Variants in RP1 observed in about 807,000 individuals in gnomAD.
RP1 encodes RP1 axonemal microtubule associated.
In RP1, 16 loss-of-function variants were observed where a neutral mutation model predicts 14.8. The ratio of observed to expected loss-of-function variants is 1.08; its 90% CI spans 0.73 to 1.65. The LOEUF is 1.65. RP1 is among the 40% of genes most tolerant of loss of function. The pLI is 0.00. For synonymous variants in RP1, 876 were observed against 883.6 expected (o/e 0.99, Z 0.15); for missense variants, 2,631 against 2,535.0 (o/e 1.04, Z -0.81).
In RP1 at chr8:54,625,789, C is replaced by G. The variant is rs765425075; in HGVS notation, c.1907C>G (p.Ser636Cys). 3 of 1,613,494 alleles carry G rather than the reference C, an allele frequency of 1.9e-6. No homozygotes were observed. In the East Asian group the frequency reaches 6.7e-5, roughly 36 times the overall value. Residue 636 changes from serine (S) to cysteine (C), a missense_variant, in exon 4 of 4, where the codon TCT becomes TGT. By Grantham distance (112) the Ser-to-Cys change is moderately radical (BLOSUM62 -1). Coordinates refer to ENST00000220676, the MANE Select transcript of RP1 (RefSeq NM_006269.2). ...GAGGCTCCAGCTTCAGAAGCATCCT[C>G]TACTGTCACTGCAAGAATTGACAGA... Reference protein sequence around the residue: ...ISEAPASEASSTVTARIDRLI... With the variant: ...ISEAPASEASCTVTARIDRLI...
intron 7 of RP1, among the ~76,000 whole-genome samples, chr8:54,670,301 T>C (rs532285214): frequency 4.6e-5 from 7 of 151,774 alleles, no homozygotes; most frequent in Admixed American, 4.0e-4. Flanking sequence ...GTCCACTTGC[T>C]TTATTGATCT....
chr8:54,781,105 A>G, intron 23 of RP1: 3 of 888,372 alleles, frequency 3.4e-6, no homozygotes, highest in Non-Finnish European at 4.0e-6. Context: ...CCTTTTATCT[A>G]CAGTAGGGTT....
intron 14 of RP1, among the ~76,000 whole-genome samples, chr8:54,701,890 G>A (rs1258669748): frequency 6.6e-6 from 1 of 152,166 alleles, no homozygotes; most frequent in Admixed American, 6.6e-5. Context: ...TGTAATTGAA[G>A]TTGGAGATTT....
At chr8:54,658,717 G>A (rs1806812543) in intron 6 of RP1, among the ~76,000 whole-genome samples, 1 of 152,096 alleles carries the variant, frequency 6.6e-6, no homozygotes, top group African/African-American at 2.4e-5. Flanking sequence ...ATCTCTTTGA[G>A]ATTCTACTTT....
chr8:54,559,310 G>A (rs945189870), exon 1 of RP1: 2 of 152,054 alleles, frequency 1.3e-5, no homozygotes, highest in Non-Finnish European at 2.9e-5. Context: ...CAAACATTTT[G>A]GAAATTACAG....
rs191843673 is a variant in RP1 at position 54,573,514 on chromosome 8, G to A, written c.-13+14194G>A. 1.4e-3 allele frequency among the ~76,000 whole-genome samples: 214 copies of A among 152,290 alleles called. 3 individuals carry two copies. Among genetic ancestry groups the A allele is most frequent in the Non-Finnish European group, 1.7e-3 (115 of 68,024 alleles). On this transcript the variant is annotated intron_variant, in intron 1 of 22. Coordinates refer to the RP1 transcript ENST00000636932. ...GGGCATAGACTTTGATATGAAACTA[G>A]GGAGACGAGCTCTCAATACGGTAGC...
rs572631314 is a variant in RP1, at chr8:54,696,845, T to C, written c.1718-2622T>C. The C allele has an allele frequency of 8.8e-5, 66 of 749,528 alleles. 2 individuals are homozygous for C. The highest frequency in any genetic ancestry group is 8.5e-4 in the African/African-American group (50 of 58,860). The allele number at this position is 749,528 out of a possible 1,614,324, so 46.4% of individuals were successfully genotyped here. The stretch of plus-strand genomic sequence containing the variant: ...ATTTCCAAATCTGAAGTCTGTCCAG[T>C]AACTCATTTTGAAATGTGGACAAGC... On this transcript the variant is annotated intron_variant, in intron 12 of 22. Coordinates refer to the RP1 transcript ENST00000636932.
At position 54,625,525 on chromosome 8, in the gene RP1, G is replaced by T. The variant is rs1281074076; in HGVS notation, c.1643G>T (p.Gly548Val). The change falls in exon 4 of 4, where the codon GGT (glycine) becomes GTT (valine). Residue 548 changes from glycine to valine, a missense_variant. By Grantham distance (109) the Gly-to-Val change is moderately radical. Transcript: ENST00000220676. ...SLLKSSAISA[G>V]VIEITSQKML... ...CTTAAGTCAAGTGCAATAAGTGCTG[G>T]TGTTATAGAAATTACAAGTCAGAAG... 1 of 1,614,004 alleles carries T rather than the reference G, an allele frequency of 6.2e-7. No homozygotes were observed. Among genetic ancestry groups the T allele is most frequent in the Non-Finnish European group, 8.5e-7 (1 of 1,180,014 alleles).
intron 8 of RP1, among the ~76,000 whole-genome samples, chr8:54,677,829 T>C (rs773594157): frequency 2.6e-4 from 39 of 152,184 alleles, no homozygotes; most frequent in Non-Finnish European, 5.3e-4. Context: ...ATAGAATATA[T>C]TTTGAGCTGG....
rs1318277230 is a variant in RP1, at chr8:54,628,027, ATGGAT to A, written c.4147_4151del (p.Gly1383Ter). 6.2e-7 allele frequency: 1 copy of A among 1,614,026 alleles called. No homozygotes were observed. The highest frequency in any genetic ancestry group is 1.1e-5 in the South Asian group (1 of 91,080). On this transcript the variant is annotated frameshift_variant, in exon 4 of 4. Coordinates refer to ENST00000220676, the MANE Select transcript of RP1 (RefSeq NM_006269.2). LOFTEE classifies it low-confidence loss of function (END_TRUNC). ...ATTTTGACAGACCCTGAATATAAAA[ATGGAT>A]TTAATACATTGGTGTCACATCAAAA...
At chr8:54,583,227 T>C (rs1475732185) in intron 1 of RP1, among the ~76,000 whole-genome samples, 11 of 152,318 alleles carry the variant, frequency 7.2e-5, no homozygotes, top group Admixed American at 2.6e-4. Flanking sequence ...TGAATTTTGT[T>C]GAAGGCCTTT....
chr8:54,822,373 G>A (rs898213322), intron 24 of RP1, among the ~76,000 whole-genome samples: 35 of 152,040 alleles, frequency 2.3e-4, no homozygotes, highest in Admixed American at 1.8e-3. Context: ...TAATAATACC[G>A]ATGTAATTCA....
intron 7 of RP1, among the ~76,000 whole-genome samples, chr8:54,673,390 T>C (rs1807221834): frequency 6.6e-6 from 1 of 152,234 alleles, no homozygotes; most frequent in African/African-American, 2.4e-5. Flanking sequence ...ATTCTGAATA[T>C]ATAAACCATT....
chr8:54,692,827 T>A (rs1807748006), intron 12 of RP1, among the ~76,000 whole-genome samples: 3 of 152,040 alleles, frequency 2.0e-5, no homozygotes, highest in Admixed American at 2.0e-4. Context: ...TTTAATTAGA[T>A]CCCATTTGCC....
At chr8:54,728,730 T>A (rs1232096757) in intron 17 of RP1, among the ~76,000 whole-genome samples, 1 of 152,176 alleles carries the variant, frequency 6.6e-6, no homozygotes, top group Non-Finnish European at 1.5e-5. Context: ...GTCATTTAGG[T>A]CTAAACTGCA....
intron 1 of RP1, among the ~76,000 whole-genome samples, chr8:54,571,440 G>A (rs1247954002): frequency 6.6e-6 from 1 of 152,186 alleles, no homozygotes; most frequent in Non-Finnish European, 1.5e-5. Context: ...TTGTCTGAGA[G>A]ATGTGGCCCC....
chr8:54,861,323 A>G (rs571961754), intron 27 of RP1, among the ~76,000 whole-genome samples: 1 of 152,340 alleles, frequency 6.6e-6, no homozygotes, highest in South Asian at 2.1e-4. Flanking sequence ...GAAAGGCTTT[A>G]CTAATCATGT....
intron 16 of RP1, among the ~76,000 whole-genome samples, chr8:54,725,091 T>C (rs1294914069): frequency 6.6e-6 from 1 of 152,226 alleles, no homozygotes; most frequent in Admixed American, 6.5e-5. Context: ...CCCATCAATG[T>C]CAGAAGCCAT....
At chr8:54,798,469 T>C (rs934623874) in intron 24 of RP1, among the ~76,000 whole-genome samples, 5 of 152,214 alleles carry the variant, frequency 3.3e-5, no homozygotes, top group South Asian at 2.1e-4. Context: ...GTCCTCACAT[T>C]GTCTTAATTT....
Sources: gnomAD v4.1 joint callset for allele counts (sites outside exome capture counted in the v4.1 genomes callset) on GRCh38, gnomAD v4.1.1 for gene constraint, MANE v1.5 for transcripts, NCBI Gene and HGNC (gene_info 2026-07-23, HGNC 2026-07-21) for gene names.